PSMD9: variants seen among roughly 807,000 people sequenced by gnomAD.
PSMD9 encodes the protein 26S proteasome non-ATPase regulatory subunit 9.
Under a neutral mutation model 25.9 loss-of-function variants are expected in PSMD9, and 26 were observed. That is an observed-to-expected ratio of 1.00 (90% CI 0.73 to 1.39). PSMD9 has a LOEUF of 1.39. Among genes scored for constraint, PSMD9 ranks in the 40% most tolerant of loss-of-function variants. The pLI, the probability that PSMD9 is intolerant of heterozygous loss-of-function variation, is 0.00. For synonymous variants in PSMD9, 110 were observed against 114.5 expected (o/e 0.96, Z 0.25); for missense variants, 303 against 299.3 (o/e 1.01, Z -0.09).
At chr12:121,911,018 C>T (rs1405366102) in intron 4 of PSMD9, 4 of 454,292 alleles carry the variant, frequency 8.8e-6, no homozygotes, top group Non-Finnish European at 1.8e-5. Context: ...TGAAATCTTA[C>T]ATACTGTGTA....
At chr12:121,899,487 T>C in intron 2 of PSMD9, 147 bp from the exon 3 acceptor site, 1 of 691,314 alleles carries the variant, frequency 1.4e-6, no homozygotes, top group Non-Finnish European at 2.4e-6. Flanking sequence ...TGAGGGAATG[T>C]CCTCTGTCTT....
At position 121,916,526 on chromosome 12, in the gene PSMD9, G is replaced by T; in HGVS notation, c.*215G>T. Reference sequence around the variant, plus strand: ...AGGCTTGGCCTCTTTCACAAATTAGGCCACGGCCCTAAATAGGAATTCCCT... The same window carrying T: ...AGGCTTGGCCTCTTTCACAAATTAGTCCACGGCCCTAAATAGGAATTCCCT... On this transcript the variant is annotated 3_prime_UTR_variant, in exon 6 of 6. Transcript: ENST00000541212. The T allele has an allele frequency of 1.7e-6, 1 of 600,220 alleles. No homozygotes were observed. Among genetic ancestry groups the T allele is most frequent in the Non-Finnish European group, 2.9e-6 (1 of 341,768 alleles). The allele number at this position is 600,220 out of a possible 1,614,324, so 37.2% of individuals were successfully genotyped here.
intron 5 of PSMD9, 160 bp from the exon 6 acceptor site, chr12:121,916,124 C>T: frequency 8.6e-7 from 1 of 1,165,166 alleles, no homozygotes; most frequent in East Asian, 2.3e-5. Flanking sequence ...CAGAGGGAGC[C>T]CCAGAGTCTC....
rs780176296 is a variant in PSMD9 at position 121,894,825 on chromosome 12, CA to C, written c.226del (p.Arg76GlyfsTer14). On this transcript the variant is annotated frameshift_variant, in exon 2 of 6. Transcript: ENST00000541212. LOFTEE classifies it high-confidence loss of function. Reference protein sequence around the residue: ...DVDLYQVRTARHNIICLQNDH... With the variant: ...DVDLYQVRTAXHNIICLQNDH... ...TGGACCTGTACCAAGTCCGCACCGC[CA>C]GGCACAACATCATATGTGAGTGGCC... is the stretch of plus-strand genomic sequence containing the variant. 4 of 1,613,550 alleles carry C rather than the reference CA, an allele frequency of 2.5e-6. No homozygotes were observed. The highest frequency in any genetic ancestry group is 3.4e-6 in the Non-Finnish European group (4 of 1,179,800).
At chr12:121,895,775 G>A (rs1384086922) in intron 2 of PSMD9, among the ~76,000 whole-genome samples, 1 of 152,108 alleles carries the variant, frequency 6.6e-6, no homozygotes, top group Non-Finnish European at 1.5e-5. Flanking sequence ...GATCATGTCC[G>A]AATCTTAAGG....
rs1384881392 is a variant in PSMD9 at position 121,899,715 on chromosome 12, A to G, written c.323A>G (p.Gln108Arg). 1 of 1,614,036 alleles carries G rather than the reference A, an allele frequency of 6.2e-7. No individual in the cohort carries two copies. The highest frequency in any genetic ancestry group is 1.3e-5 in the African/African-American group (1 of 74,930). ...HQLHARDKEK[Q>R]ARDMAEAHKE... ...CTGCACGCTCGCGACAAGGAGAAGC[A>G]GGCCCGGGACATGGCTGAGGCCCAC... Residue 108 changes from glutamine to arginine, a missense_variant, in exon 3 of 6, where the codon CAG (glutamine) becomes CGG (arginine). Transcript: ENST00000541212.
At chr12:121,890,067 G>A (rs1468808770) in intron 1 of PSMD9, among the ~76,000 whole-genome samples, 2 of 152,078 alleles carry the variant, frequency 1.3e-5, no homozygotes, top group Admixed American at 6.6e-5. Context: ...ACAGGCGAGC[G>A]CCAGTACGCC....
At chr12:121,915,248 C>T (rs1032926066) in intron 4 of PSMD9, 2 of 151,756 alleles carry the variant, frequency 1.3e-5, no homozygotes, top group African/African-American at 4.8e-5. Context: ...TTGCTAGAAC[C>T]TGGGAAGCAG....
intron 2 of PSMD9, among the ~76,000 whole-genome samples, chr12:121,896,029 G>A (rs976243693): frequency 6.6e-6 from 1 of 151,240 alleles, no homozygotes; most frequent in Non-Finnish European, 1.5e-5. Flanking sequence ...TTTTTGAGAC[G>A]GAGTCTCGCT....
At chr12:121,890,170 G>T (rs914843082) in intron 1 of PSMD9, among the ~76,000 whole-genome samples, 3 of 152,134 alleles carry the variant, frequency 2.0e-5, no homozygotes, top group Non-Finnish European at 4.4e-5. Flanking sequence ...GCCCACCTTG[G>T]CCTCCCCAAG....
chr12:121,891,322 C>G (rs1047187887), intron 1 of PSMD9, among the ~76,000 whole-genome samples: 13 of 140,176 alleles, frequency 9.3e-5, no homozygotes, highest in Non-Finnish European at 1.7e-4. Context: ...AAAAAAAGGC[C>G]GGGTGCGGTG....
intron 4 of PSMD9, among the ~76,000 whole-genome samples, chr12:121,910,499 C>T (rs1879688141): frequency 2.0e-5 from 3 of 151,708 alleles, no homozygotes; most frequent in Non-Finnish European, 2.9e-5. Flanking sequence ...CGGTGGCTCA[C>T]GCCTATAATC....
intron 4 of PSMD9, chr12:121,911,079 G>C: frequency 2.3e-6 from 1 of 444,436 alleles, no homozygotes; most frequent in Non-Finnish European, 4.5e-6. Context: ...TCGCTCTGTT[G>C]CCCAGGCTGG....
At chr12:121,905,531 C>CT (rs35390390) in intron 4 of PSMD9, among the ~76,000 whole-genome samples, 9 of 142,808 alleles carry the variant, frequency 6.3e-5, no homozygotes, top group East Asian at 6.2e-4. Flanking sequence ...GCCGAGTTTT[C>CT]TTTTTTTTTT....
chr12:121,913,570 C>T (rs1052495006), intron 4 of PSMD9, among the ~76,000 whole-genome samples: 1 of 150,914 alleles, frequency 6.6e-6, no homozygotes, highest in Non-Finnish European at 1.5e-5. Context: ...TGGCTCACTG[C>T]AGCCTTGAGC....
chr12:121,905,971 G>A (rs1014803756), intron 4 of PSMD9, among the ~76,000 whole-genome samples: 4 of 151,248 alleles, frequency 2.6e-5, no homozygotes, highest in Admixed American at 6.6e-5. Context: ...ATGTCATAGA[G>A]AGAAAAACCA....
intron 4 of PSMD9, among the ~76,000 whole-genome samples, chr12:121,911,891 A>G (rs1879734042): frequency 6.6e-6 from 1 of 151,654 alleles, no homozygotes; most frequent in African/African-American, 2.4e-5. Context: ...GACCTCAAGT[A>G]ATCCACCTGC....
At chr12:121,894,700 C>A in intron 1 of PSMD9, 39 bp from the exon 2 acceptor site, 1 of 1,555,226 alleles carries the variant, frequency 6.4e-7, no homozygotes. Flanking sequence ...GGGGACATTA[C>A]ACCCATGAGC....
chr12:121,912,884 A>AG lies in PSMD9; in HGVS notation c.556-2972_556-2971insG, dbSNP rs1384808719. Among the ~76,000 whole-genome samples the AG allele has an allele frequency of 8.8e-3, 1,306 of 148,366 alleles. 20 individuals carry two copies. The highest frequency in any genetic ancestry group is 0.031 in the African/African-American group (1,233 of 39,536). On this transcript the variant is annotated intron_variant, in intron 4 of 5. Coordinates refer to ENST00000541212, the MANE Select transcript of PSMD9 (RefSeq NM_002813.7). ...ACCCTGTCTCAAAAAAAAAAAAAAA[A>AG]AAAGAAAGAAAAAGAAAGGTCTATT...
Sources: allele counts gnomAD v4.1 joint callset (sites outside exome capture counted in the v4.1 genomes callset), GRCh38; gene constraint gnomAD v4.1.1; transcripts MANE v1.5; gene names NCBI Gene and HGNC (gene_info 2026-07-23, HGNC 2026-07-21).